RFC3: variants seen among roughly 807,000 people sequenced by gnomAD.
RFC3 encodes the protein A1 38 kDa subunit.
Under a neutral mutation model 45.1 loss-of-function variants are expected in RFC3, and 41 were observed. The ratio of observed to expected loss-of-function variants is 0.91; its 90% CI spans 0.71 to 1.18. The LOEUF is 1.18. Among genes scored for constraint, RFC3 ranks in the 50% most tolerant of loss-of-function variants. The probability of loss-of-function intolerance (pLI) is 0.00; values close to 1 mark genes in which losing one functional copy is unlikely to be tolerated. For synonymous variants in RFC3, 149 were observed against 144.0 expected, an observed-to-expected ratio of 1.03 and a Z score of -0.25; for missense variants, 423 against 428.1, an observed-to-expected ratio of 0.99 and a Z score of 0.10.
chr13:33,830,333 T>C (rs172461), intron 5 of RFC3, among the ~76,000 whole-genome samples: 17,816 of 152,202 alleles, frequency 0.12, 1,411 homozygotes, highest in African/African-American at 0.21. Flanking sequence ...GAGGCTGGAA[T>C]ATTGAGGAAA....
At chr13:33,923,458 G>A (rs968053131) in intron 8 of RFC3, among the ~76,000 whole-genome samples, 1 of 152,076 alleles carries the variant, frequency 6.6e-6, no homozygotes, top group East Asian at 1.9e-4. Flanking sequence ...AGTTGGGGGT[G>A]AGGATATTAA....
At chr13:33,972,307 T>C in the RFC3 span, among the ~76,000 whole-genome samples, 2 of 152,204 alleles carry the variant, frequency 1.3e-5, no homozygotes, top group Non-Finnish European at 2.9e-5. Flanking sequence ...AGAGTCCAAC[T>C]ACAGCTTCTC....
intron 8 of RFC3, among the ~76,000 whole-genome samples, chr13:33,914,539 A>G (rs543385134): frequency 1.3e-5 from 2 of 152,268 alleles, no homozygotes; most frequent in South Asian, 4.1e-4. Flanking sequence ...TCAATCAAGC[A>G]CAAAAGTATT....
intron 7 of RFC3, among the ~76,000 whole-genome samples, chr13:33,834,330 A>ATATATATC (rs1491534285): frequency 2.1e-5 from 2 of 95,080 alleles, no homozygotes; most frequent in African/African-American, 8.6e-5. Flanking sequence ...ATATATATAT[A>ATATATATC]TCTGTACTGT....
intron 8 of RFC3, among the ~76,000 whole-genome samples, chr13:33,948,016 C>T (rs181529333): frequency 5.0e-4 from 76 of 152,282 alleles, no homozygotes; most frequent in African/African-American, 1.6e-3. Flanking sequence ...TGCAGAAATT[C>T]GCATAAGTAA....
chr13:33,965,323 A>T (rs1047360537), intron 8 of RFC3, among the ~76,000 whole-genome samples: 1 of 152,168 alleles, frequency 6.6e-6, no homozygotes, highest in East Asian at 1.9e-4. Flanking sequence ...TGAGATTCTA[A>T]TACTGTATTT....
intron 8 of RFC3, among the ~76,000 whole-genome samples, chr13:33,887,313 TA>T (rs1363269661): frequency 6.6e-6 from 1 of 151,428 alleles, no homozygotes; most frequent in East Asian, 1.9e-4. Context: ...CCTGACTTTT[TA>T]ATGATTGCCA....
In RFC3 at chr13:33,843,981, C is replaced by A. The variant is rs1041621177; in HGVS notation, c.879+8764C>A. 2.2e-4 allele frequency among the ~76,000 whole-genome samples: 33 copies of A among 152,276 alleles called. No individual in the cohort carries two copies. In the Middle Eastern group the frequency reaches 0.01, roughly 47 times the overall value. The stretch of plus-strand genomic sequence containing the variant: ...CTCCTAATACGGTAGAGAAGCTGCC[C>A]ATCTTCCTTGTTAAGCTTCCCATCT... On this transcript the variant is annotated intron_variant, in intron 8 of 8. Coordinates refer to the RFC3 transcript ENST00000434425.
chr13:33,895,768 A>G (rs1362460921), intron 8 of RFC3, among the ~76,000 whole-genome samples: 3 of 152,188 alleles, frequency 2.0e-5, no homozygotes, highest in African/African-American at 7.2e-5. Context: ...GTGCCCACCA[A>G]CCAAAGAGTG....
chr13:33,865,880 C>G (rs953928293), intron 8 of RFC3, among the ~76,000 whole-genome samples: 1 of 151,994 alleles, frequency 6.6e-6, no homozygotes, highest in Admixed American at 6.6e-5. Flanking sequence ...ATGGAGAAAC[C>G]CTGTCTCTAC....
intron 8 of RFC3, among the ~76,000 whole-genome samples, chr13:33,941,164 G>T (rs2082921626): frequency 6.6e-6 from 1 of 152,192 alleles, no homozygotes; most frequent in Admixed American, 6.5e-5. Flanking sequence ...TTCAGCAGGG[G>T]TAGTAACCTG....
At chr13:33,959,914 G>C (rs1229656012) in intron 8 of RFC3, among the ~76,000 whole-genome samples, 1 of 152,128 alleles carries the variant, frequency 6.6e-6, no homozygotes, top group East Asian at 1.9e-4. Context: ...CAGCTTCTGG[G>C]GACAGCTCAG....
chr13:33,905,239 G>A lies in RFC3; in HGVS notation c.880-60848G>A, dbSNP rs114572141. ...CTACAGCACAATGATGTTAGAAATT[G>A]TTCTGTATCTTAAGCAAGGTACTGG... On this transcript the variant is annotated intron_variant, in intron 8 of 8. Coordinates refer to the RFC3 transcript ENST00000434425. Among the ~76,000 whole-genome samples, 725 of 151,006 alleles carry A rather than the reference G, an allele frequency of 4.8e-3. 12 individuals are homozygous for A. The highest frequency in any genetic ancestry group is 0.017 in the African/African-American group (705 of 41,082).
At chr13:33,893,507 GA>G (rs2082576678) in intron 8 of RFC3, among the ~76,000 whole-genome samples, 1 of 151,958 alleles carries the variant, frequency 6.6e-6, no homozygotes, top group Non-Finnish European at 1.5e-5. Flanking sequence ...AGGGTACTAT[GA>G]CCTCTTCAAT....
In RFC3 at chr13:33,936,016, C is replaced by T. The variant is rs532295055; in HGVS notation, c.880-30071C>T. Among the ~76,000 whole-genome samples, 13 of 152,282 alleles carry T rather than the reference C, an allele frequency of 8.5e-5. No individual in the cohort carries two copies. The South Asian group carries it at 2.7e-3, about 32-fold the overall frequency. ...GGCTCCGGGTCCACTGAGCTGGTCT[C>T]ATCTTCCCCTTATGAGAGCGATGGT... is the stretch of plus-strand genomic sequence containing the variant. On this transcript the variant is annotated intron_variant, in intron 8 of 8. Coordinates refer to the RFC3 transcript ENST00000434425.
intron 8 of RFC3, among the ~76,000 whole-genome samples, chr13:33,880,055 T>C (rs2082472934): frequency 6.6e-6 from 1 of 152,200 alleles, no homozygotes; most frequent in Admixed American, 6.5e-5. Flanking sequence ...GAACAATCTT[T>C]CCCATTCAAG....
intron 8 of RFC3, chr13:33,849,746 T>C (rs2082264144): frequency 1.3e-5 from 2 of 152,034 alleles, no homozygotes; most frequent in African/African-American, 4.8e-5. Context: ...GGAGTAGTGG[T>C]GCGTGTCTGT....
At chr13:33,855,288 C>T (rs905417614) in intron 8 of RFC3, among the ~76,000 whole-genome samples, 1 of 152,090 alleles carries the variant, frequency 6.6e-6, no homozygotes, top group Non-Finnish European at 1.5e-5. Flanking sequence ...CGAGCAAGCA[C>T]ACAGGAAACA....
At position 33,856,147 on chromosome 13, in the gene RFC3, T is replaced by C. The variant is rs528602547; in HGVS notation, c.879+20930T>C. Among the ~76,000 whole-genome samples, 16 of 152,320 alleles carry C rather than the reference T, an allele frequency of 1.1e-4. No homozygotes were observed. The East Asian group carries it at 2.7e-3, about 26-fold the overall frequency. Reference sequence around the variant, plus strand: ...TCCATCTTGAGTTGGTTTTCATATATGGTATAAGGAAGTAAAACAGTCTCA... The same window carrying C: ...TCCATCTTGAGTTGGTTTTCATATACGGTATAAGGAAGTAAAACAGTCTCA... On this transcript the variant is annotated intron_variant, in intron 8 of 8. Coordinates refer to the RFC3 transcript ENST00000434425.
Sources: gnomAD v4.1 joint callset for allele counts (sites outside exome capture counted in the v4.1 genomes callset) on GRCh38, gnomAD v4.1.1 for gene constraint, MANE v1.5 for transcripts, NCBI Gene and HGNC (gene_info 2026-07-23, HGNC 2026-07-21) for gene names.